Variants in RAB40B observed in about 807,000 individuals in gnomAD.
RAB40B encodes RAB40B, member RAS oncogene family.
In RAB40B, 21 loss-of-function variants were observed where a neutral mutation model predicts 24.0. The ratio of observed to expected loss-of-function variants is 0.88; its 90% CI spans 0.62 to 1.26. RAB40B has a LOEUF of 1.26. Among genes scored for constraint, RAB40B ranks in the 50% most tolerant of loss-of-function variants. The pLI, the probability that RAB40B is intolerant of heterozygous loss-of-function variation, is 0.00. For synonymous variants in RAB40B, 167 were observed against 169.8 expected (o/e 0.98, Z 0.13); for missense variants, 348 against 390.5 (o/e 0.89, Z 0.92).
intron 1 of RAB40B, among the ~76,000 whole-genome samples, chr17:82,676,525 C>G (rs2046396481): frequency 6.6e-6 from 1 of 151,918 alleles, no homozygotes; most frequent in South Asian, 2.1e-4. Flanking sequence ...CTCTTCCCAG[C>G]CACCCCTACA....
chr17:82,660,140 C>T (rs886809276), intron 3 of RAB40B, among the ~76,000 whole-genome samples: 1 of 151,932 alleles, frequency 6.6e-6, no homozygotes, highest in South Asian at 2.1e-4. Context: ...CACACGTGTA[C>T]TCATGCACAG....
chr17:82,672,708 C>T (rs890522216), intron 1 of RAB40B, among the ~76,000 whole-genome samples: 2 of 152,238 alleles, frequency 1.3e-5, no homozygotes, highest in Non-Finnish European at 2.9e-5. Context: ...TCCCCAGATG[C>T]AGCCCCTCAA....
rs575080647 is a variant in RAB40B, at chr17:82,670,333, C to T, written c.143-5777G>A. Among the ~76,000 whole-genome samples the T allele has an allele frequency of 7.9e-5, 12 of 151,974 alleles. No individual in the cohort carries two copies. The South Asian group carries it at 8.3e-4, about 11-fold the overall frequency. On this transcript the variant is annotated intron_variant, in intron 1 of 5. Transcript: ENST00000571995. ...CCGTGTAGCTGGAATTACAGGCACA[C>T]GCCAGCAAGCCAAGCTAATTTGTGT...
At chr17:82,669,866 C>T (rs987538229) in intron 1 of RAB40B, among the ~76,000 whole-genome samples, 9 of 152,158 alleles carry the variant, frequency 5.9e-5, no homozygotes, top group Non-Finnish European at 1.2e-4. Context: ...ACACACTGAG[C>T]GTGAAACACA....
At position 82,698,557 on chromosome 17, in the gene RAB40B, G is replaced by T. The variant is rs1206736987; in HGVS notation, c.40C>A (p.Leu14Met). ...TCGCCCACCAGCAGGAACTTGAGCAGAAAGTCGTAGGCCCGGACCGGGCTG... is the reference window on the plus strand; with the variant it reads ...TCGCCCACCAGCAGGAACTTGAGCATAAAGTCGTAGGCCCGGACCGGGCTG... ...LGSPVRAYDF[L>M]LKFLLVGDSD... Residue 14 changes from leucine to methionine, a missense_variant, in exon 1 of 6, where the codon CTG (leucine) becomes ATG (methionine). Around this residue, in one of 3 missense-constraint regions of RAB40B, gnomAD observed 101 missense variants for 85.5 expected, o/e 1.18. Coordinates refer to ENST00000571995, the MANE Select transcript of RAB40B (RefSeq NM_006822.3). 1 of 1,521,426 alleles carries T rather than the reference G, an allele frequency of 6.6e-7. No homozygotes were observed. Among genetic ancestry groups the T allele is most frequent in the South Asian group, 1.2e-5 (1 of 84,984 alleles). The allele number at this position is 1,521,426 out of a possible 1,614,324, so 94.2% of individuals were successfully genotyped here.
intron 4 of RAB40B, chr17:82,659,136 G>C (rs1043513839): frequency 1.6e-5 from 4 of 247,774 alleles, no homozygotes; most frequent in African/African-American, 8.9e-5. Flanking sequence ...CTGTTGTTCA[G>C]GACGCCCAGG....
intron 1 of RAB40B, among the ~76,000 whole-genome samples, chr17:82,691,212 A>G (rs2046554390): frequency 6.6e-6 from 1 of 152,208 alleles, no homozygotes; most frequent in African/African-American, 2.4e-5. Flanking sequence ...ATTAGCTCTT[A>G]GCAAAAATGA....
chr17:82,698,228 G>A (rs1419617792), intron 1 of RAB40B, among the ~76,000 whole-genome samples: 2 of 151,810 alleles, frequency 1.3e-5, no homozygotes, highest in African/African-American at 2.4e-5. Flanking sequence ...GCAGCACGAG[G>A]GCCAGGGCCG....
chr17:82,662,701 G>T, intron 2 of RAB40B: 1 of 985,414 alleles, frequency 1.0e-6, no homozygotes, highest in Non-Finnish European at 1.2e-6. Flanking sequence ...GCTGGGGCCT[G>T]GGGGGATTCT....
Position 82,667,831 on chromosome 17 carries a change from C to T in RAB40B, c.143-3275G>A, listed in dbSNP as rs1021437839. Among the ~76,000 whole-genome samples, 1 of 152,318 alleles carries T rather than the reference C, an allele frequency of 6.6e-6. No homozygotes were observed. The highest frequency in any genetic ancestry group is 2.1e-4 in the South Asian group (1 of 4,818). On this transcript the variant is annotated intron_variant, in intron 1 of 5. Transcript: ENST00000571995. This position sits in a 1 kb window ranked among gnomAD's most constrained non-coding sequence, Gnocchi z 4.3. ...CTCAGACAGAGCGGCCAAGCAGTCC[C>T]CTGACCCACCCAGTACGAGGCTTTC... is the stretch of plus-strand genomic sequence containing the variant.
At chr17:82,688,210 C>T (rs192020829) in intron 1 of RAB40B, among the ~76,000 whole-genome samples, 14 of 152,208 alleles carry the variant, frequency 9.2e-5, no homozygotes, top group Non-Finnish European at 1.8e-4. Flanking sequence ...TCTGTAGAGA[C>T]GAGGTTTCCC....
chr17:82,658,456 G>A (rs752650319), intron 5 of RAB40B, 35 bp downstream of exon 5: 1 of 1,604,776 alleles, frequency 6.2e-7, no homozygotes, highest in Non-Finnish European at 8.5e-7. Context: ...CATCTGGAGG[G>A]CAGAGGTGGC....
At chr17:82,689,196 G>A (rs558372652) in intron 1 of RAB40B, among the ~76,000 whole-genome samples, 10 of 152,380 alleles carry the variant, frequency 6.6e-5, no homozygotes, top group East Asian at 5.8e-4. Flanking sequence ...CACCCAGCGC[G>A]GAGCAGCCTG....
intron 1 of RAB40B, among the ~76,000 whole-genome samples, chr17:82,695,939 C>G (rs917253960): frequency 6.6e-6 from 1 of 151,866 alleles, no homozygotes; most frequent in Non-Finnish European, 1.5e-5. Context: ...TACAATGGTG[C>G]GATCTCTGCA....
intron 2 of RAB40B, among the ~76,000 whole-genome samples, 158 bp downstream of exon 2, chr17:82,664,338 T>G (rs865984517): frequency 4.4e-4 from 53 of 119,880 alleles, no homozygotes; most frequent in Middle Eastern, 9.3e-3. Flanking sequence ...CGGGGTGCTG[T>G]GCCGACGGTG....
In RAB40B at chr17:82,692,720, T is replaced by C. The variant is rs957214039; in HGVS notation, c.142+5735A>G. Among the ~76,000 whole-genome samples the C allele has an allele frequency of 4.6e-5, 7 of 152,246 alleles. No homozygotes were observed. The highest frequency in any genetic ancestry group is 6.8e-3 in the Middle Eastern group (2 of 294). ...GTAGAGAACATTTTTTTTTTAAATC[T>C]GGGAGCAGCAAAGGTTTGTTCAACA... On this transcript the variant is annotated intron_variant, in intron 1 of 5. Transcript: ENST00000571995. The surrounding 1 kb of genome is among the most constrained non-coding windows in gnomAD (Gnocchi z 4.0).
At chr17:82,662,417 GTGGGAGCAC>G (rs2046185496) in intron 2 of RAB40B, 1 of 985,356 alleles carries the variant, frequency 1.0e-6, no homozygotes, top group African/African-American at 1.7e-5. Flanking sequence ...CCATCGTGAA[GTGGGAGCAC>G]TCCCTCCTCA....
In RAB40B at chr17:82,655,894, G is replaced by A. The variant is rs981814842; in HGVS notation, c.*1969C>T. 6.6e-6 allele frequency: 1 copy of A among 151,902 alleles called. No homozygotes were observed. The highest frequency in any genetic ancestry group is 2.4e-5 in the African/African-American group (1 of 41,326). The allele number at this position is 151,902 out of a possible 1,614,324, so 9.4% of individuals were successfully genotyped here. ...TGCTCCTCTCTCCTGTCTGGGCCTC[G>A]GTTCCACCATCTCTGAATACAGGCT... On this transcript the variant is annotated 3_prime_UTR_variant, in exon 6 of 6. Coordinates refer to ENST00000571995, the MANE Select transcript of RAB40B (RefSeq NM_006822.3).
rs527920750 is a variant in RAB40B, at chr17:82,686,850, C to A, written c.142+11605G>T. On this transcript the variant is annotated intron_variant, in intron 1 of 5. Coordinates refer to ENST00000571995, the MANE Select transcript of RAB40B (RefSeq NM_006822.3). ...CCCCCCACCTTCCTCCACGTTCCTCCCGTCCAGTGCTGGGGGGAAGGATGC... is the reference window on the plus strand; with the variant it reads ...CCCCCCACCTTCCTCCACGTTCCTCACGTCCAGTGCTGGGGGGAAGGATGC... 2.0e-5 allele frequency among the ~76,000 whole-genome samples: 3 copies of A among 152,336 alleles called. No homozygotes were observed. In the South Asian group the frequency reaches 6.2e-4, roughly 32 times the overall value.
Sources: allele counts gnomAD v4.1 joint callset (sites outside exome capture counted in the v4.1 genomes callset), GRCh38; gene constraint gnomAD v4.1.1; regional missense constraint gnomAD v4.1.1; non-coding constraint Gnocchi (gnomAD v3.1); transcripts MANE v1.5; gene names NCBI Gene and HGNC (gene_info 2026-07-23, HGNC 2026-07-21).